KCNH1: variants seen among roughly 807,000 people sequenced by gnomAD.
KCNH1 encodes potassium voltage-gated channel subfamily H member 1.
KCNH1 carries 27 observed loss-of-function variants against 69.2 expected under a neutral mutation model. The observed-to-expected ratio is 0.39, with a 90% CI of 0.29 to 0.54. The LOEUF (loss-of-function observed/expected upper bound fraction) is 0.54, where lower values mean the gene tolerates loss of function less well. KCNH1 is among the 20% of genes least tolerant of loss of function. The pLI, the probability that KCNH1 is intolerant of heterozygous loss-of-function variation, is 0.68. For synonymous variants in KCNH1, 456 were observed against 487.7 expected (o/e 0.93, Z 0.86); for missense variants, 798 against 1,261.6 (o/e 0.63, Z 5.57).
chr1:211,124,773 A>G (rs978823230), intron 1 of KCNH1, among the ~76,000 whole-genome samples: 1 of 152,244 alleles, frequency 6.6e-6, no homozygotes, highest in African/African-American at 2.4e-5. Context: ...TGGGAGAGGT[A>G]TAGGCAGTAG....
chr1:210,976,833 T>C (rs1222416615), intron 6 of KCNH1, among the ~76,000 whole-genome samples: 2 of 148,394 alleles, frequency 1.3e-5, no homozygotes, highest in Non-Finnish European at 3.0e-5. Flanking sequence ...TGTGGAGAAA[T>C]AGGAACACTT....
At chr1:210,704,633 A>T (rs946838768) in intron 10 of KCNH1, among the ~76,000 whole-genome samples, 2 of 152,342 alleles carry the variant, frequency 1.3e-5, no homozygotes, top group East Asian at 3.9e-4. Flanking sequence ...TGTATAAATG[A>T]GATGACAGAG....
At chr1:210,867,690 T>C (rs1686145598) in intron 7 of KCNH1, among the ~76,000 whole-genome samples, 2 of 152,038 alleles carry the variant, frequency 1.3e-5, no homozygotes, top group South Asian at 4.1e-4. Flanking sequence ...TGCCCAACCC[T>C]AGGCAACAAT....
intron 7 of KCNH1, among the ~76,000 whole-genome samples, chr1:210,845,259 G>C (rs563660417): frequency 1.3e-3 from 194 of 152,246 alleles, no homozygotes; most frequent in Middle Eastern, 6.8e-3. Context: ...ACCAAAGCCT[G>C]GCAGAAACAC....
rs568756516 is a variant in KCNH1 at position 210,949,684 on chromosome 1, C to T, written c.1033-29615G>A. On this transcript the variant is annotated intron_variant, in intron 6 of 10. Transcript: ENST00000271751. ...GCACCAGCCAATGCCCAGGTTTCTG[C>T]TGTTGATTTTAGTGATATGATCAGT... Among the ~76,000 whole-genome samples, 110 of 152,272 alleles carry T rather than the reference C, an allele frequency of 7.2e-4. 1 individual carries two copies. Among genetic ancestry groups the T allele is most frequent in the African/African-American group, 2.6e-3 (110 of 41,554 alleles).
intron 5 of KCNH1, among the ~76,000 whole-genome samples, chr1:211,051,640 C>T (rs1207776582): frequency 6.6e-6 from 1 of 152,232 alleles, no homozygotes; most frequent in African/African-American, 2.4e-5. Flanking sequence ...AAGGGGAGTG[C>T]AGCTAGTTGA....
intron 5 of KCNH1, among the ~76,000 whole-genome samples, chr1:211,032,398 T>C (rs1035693493): frequency 2.0e-5 from 3 of 152,164 alleles, no homozygotes; most frequent in African/African-American, 7.2e-5. Context: ...CTTCACAGAA[T>C]TGGAAAAAAC....
At chr1:210,966,321 T>C (rs1688399774) in intron 6 of KCNH1, among the ~76,000 whole-genome samples, 1 of 152,152 alleles carries the variant, frequency 6.6e-6, no homozygotes, top group Non-Finnish European at 1.5e-5. Context: ...GACATAGGCA[T>C]GGGCAAAGAC....
intron 1 of KCNH1, among the ~76,000 whole-genome samples, chr1:211,119,034 A>G (rs1364957174): frequency 2.6e-5 from 4 of 152,178 alleles, no homozygotes; most frequent in Non-Finnish European, 2.9e-5. Flanking sequence ...AAATAGAATT[A>G]TAGATTTCTA....
rs1038121833 is a variant in KCNH1, at chr1:211,018,975, C to A, written c.840G>T (p.Val280=). ...TGCGGATAAGTTTGGGGTCAGAAAT[C>A]ACCTCCCCTGCTGGTCCAACAAAGG... ...HTTFVGPAGE[V]ISDPKLIRMN... is the part of the protein sequence containing the mutation. Residue 280 remains valine, a synonymous_variant, in exon 6 of 11, where the codon GTG becomes GTT. Transcript: ENST00000271751. 6.2e-7 allele frequency: 1 copy of A among 1,613,936 alleles called. No individual in the cohort carries two copies. The highest frequency in any genetic ancestry group is 1.3e-5 in the African/African-American group (1 of 74,900).
intron 7 of KCNH1, among the ~76,000 whole-genome samples, chr1:210,877,423 G>A (rs1013967013): frequency 5.3e-5 from 8 of 152,114 alleles, no homozygotes; most frequent in African/African-American, 1.9e-4. Context: ...AACTGGGCAG[G>A]TCATCAAAGC....
intron 6 of KCNH1, among the ~76,000 whole-genome samples, chr1:210,941,785 C>G (rs1201899012): frequency 6.6e-6 from 1 of 152,140 alleles, no homozygotes; most frequent in African/African-American, 2.4e-5. Context: ...CAGTGCAATC[C>G]TAACTCAGGG....
Position 210,683,997 on chromosome 1 carries a change from G to C in KCNH1, c.2254C>G (p.Leu752Val). The C allele has an allele frequency of 6.3e-7, 1 of 1,598,606 alleles. No individual in the cohort carries two copies. Among genetic ancestry groups the C allele is most frequent in the Non-Finnish European group, 8.6e-7 (1 of 1,168,708 alleles). ...QRFRQQKEAR[L>V]AAERGGRDLD... ...TCCCGGCCCCCTCTCTCAGCTGCCAGCCTGGCCTCTTTCTGCTGTCGGAAT... is the reference window on the plus strand; with the variant it reads ...TCCCGGCCCCCTCTCTCAGCTGCCACCCTGGCCTCTTTCTGCTGTCGGAAT... The change falls in exon 11 of 11, where the codon CTG becomes GTG. Residue 752 changes from leucine (L) to valine (V), a missense_variant. By Grantham distance (32) the Leu-to-Val change is conservative (BLOSUM62 1). Coordinates refer to ENST00000271751, the MANE Select transcript of KCNH1 (RefSeq NM_172362.3). This position sits in a 1 kb window ranked among gnomAD's most constrained non-coding sequence, Gnocchi z 5.7.
chr1:210,684,148 G>C lies in KCNH1; in HGVS notation c.2113-10C>G, dbSNP rs375284597. 2 of 1,501,406 alleles carry C rather than the reference G, an allele frequency of 1.3e-6. No individual in the cohort carries two copies. The highest frequency in any genetic ancestry group is 4.6e-5 in the Admixed American group (2 of 43,506). 93.0% of individuals were successfully genotyped at this position (1,501,406 alleles called of 1,614,324 possible). A position where few individuals can be genotyped will look rare whatever the true frequency, so the allele number is the denominator to read the frequency against. The stretch of plus-strand genomic sequence containing the variant: ...TCTTCCGGAACACAATCTGGAGAGA[G>C]AGAGAGAGAGAATGACATGGCGTGT... On this transcript the variant is annotated splice_polypyrimidine_tract_variant and intron_variant, in intron 10 of 10. Transcript: ENST00000271751.
chr1:210,978,255 G>T (rs1267433650), intron 6 of KCNH1, among the ~76,000 whole-genome samples: 1 of 152,044 alleles, frequency 6.6e-6, no homozygotes, highest in African/African-American at 2.4e-5. Flanking sequence ...AGCCAGGATG[G>T]TCTCTATTTC....
intron 10 of KCNH1, among the ~76,000 whole-genome samples, chr1:210,696,667 C>T (rs985528187): frequency 2.0e-5 from 3 of 152,190 alleles, no homozygotes; most frequent in African/African-American, 2.4e-5. Flanking sequence ...TAATGTCACC[C>T]TTGCCACTGT....
chr1:211,028,688 CT>C (rs139725840), intron 5 of KCNH1, among the ~76,000 whole-genome samples: 4,030 of 151,850 alleles, frequency 0.027, 98 homozygotes, highest in South Asian at 0.061. Flanking sequence ...ATAAATATGA[CT>C]AGTTAGGGGA....
At chr1:211,019,750 G>A (rs1351361829) in intron 5 of KCNH1, among the ~76,000 whole-genome samples, 1 of 152,180 alleles carries the variant, frequency 6.6e-6, no homozygotes, top group Non-Finnish European at 1.5e-5. Context: ...GACTATATGT[G>A]AGATGACAAA....
intron 6 of KCNH1, among the ~76,000 whole-genome samples, chr1:210,939,637 A>G (rs1687843137): frequency 6.6e-6 from 1 of 152,204 alleles, no homozygotes; most frequent in Non-Finnish European, 1.5e-5. Flanking sequence ...GGCATTTTAC[A>G]TGCATTAACT....
Sources: allele counts gnomAD v4.1 joint callset (sites outside exome capture counted in the v4.1 genomes callset), GRCh38; gene constraint gnomAD v4.1.1; non-coding constraint Gnocchi (gnomAD v3.1); transcripts MANE v1.5; gene names NCBI Gene and HGNC (gene_info 2026-07-23, HGNC 2026-07-21).